The following LRFN5 variants were observed in gnomAD, a reference collection of about 807,000 sequenced individuals.
LRFN5 encodes the protein leucine-rich repeat and fibronectin type-III domain-containing protein 5.
Under a neutral mutation model 45.6 loss-of-function variants are expected in LRFN5, and 24 were observed. That is an observed-to-expected ratio of 0.53 (90% confidence interval 0.38 to 0.74). The LOEUF is 0.74. Among genes scored for constraint, LRFN5 ranks in the 30% least tolerant of loss-of-function variants. The pLI, the probability that LRFN5 is intolerant of heterozygous loss-of-function variation, is 0.00. For missense variants in LRFN5, 776 were observed against 861.5 expected, an observed-to-expected ratio of 0.90 and a Z score of 1.24; for synonymous variants, 340 against 313.8, an observed-to-expected ratio of 1.08 and a Z score of -0.88.
At chr14:41,803,000 A>G (rs933902543) in intron 2 of LRFN5, among the ~76,000 whole-genome samples, 1 of 152,134 alleles carries the variant, frequency 6.6e-6, no homozygotes, top group African/African-American at 2.4e-5. Context: ...CTTGTGTCCT[A>G]TATAATAATG....
intron 1 of LRFN5, among the ~76,000 whole-genome samples, chr14:41,754,630 A>G (rs564877399): frequency 3.6e-4 from 55 of 151,852 alleles, no homozygotes; most frequent in African/African-American, 1.3e-3. Flanking sequence ...ATCATTTTTT[A>G]TTGTGTCTAT....
chr14:41,800,286 A>ATTATTG (rs202015156), intron 2 of LRFN5, among the ~76,000 whole-genome samples: 2,214 of 152,124 alleles, frequency 0.015, 47 homozygotes, highest in African/African-American at 0.049. Context: ...CACAGATGAA[A>ATTATTG]CCAAAAGAAA....
intron 1 of LRFN5, among the ~76,000 whole-genome samples, chr14:41,673,586 C>T (rs1881370005): frequency 6.7e-6 from 1 of 148,710 alleles, no homozygotes; most frequent in South Asian, 2.2e-4. Context: ...CCCCCCCCAC[C>T]TCACTCCCGG....
At position 41,894,565 on chromosome 14, in the gene LRFN5, G is replaced by T. The variant is rs550599974; in HGVS notation, c.2098+2603G>T. 5 of 969,518 alleles carry T rather than the reference G, an allele frequency of 5.2e-6. No homozygotes were observed. In the South Asian group the frequency reaches 2.4e-4, roughly 46 times the overall value. 60.1% of individuals were successfully genotyped at this position (969,518 alleles called of 1,614,324 possible). On this transcript the variant is annotated intron_variant, in intron 4 of 5. Transcript: ENST00000298119. ...GATTAACAAAAGACTGGCTTATCAA[G>T]AAGGTCAAAATTTTTTTGTATTTGT...
intron 1 of LRFN5, among the ~76,000 whole-genome samples, chr14:41,648,959 T>G (rs545496190): frequency 6.6e-6 from 1 of 152,174 alleles, no homozygotes; most frequent in African/African-American, 2.4e-5. Flanking sequence ...ATAATGAAAA[T>G]TAAACGTTTT....
At chr14:41,897,288 T>G (rs1890972974) in intron 4 of LRFN5, among the ~76,000 whole-genome samples, 1 of 151,830 alleles carries the variant, frequency 6.6e-6, no homozygotes, top group Non-Finnish European at 1.5e-5. Flanking sequence ...GCATTGGGGA[T>G]TTCATCAAAT....
At chr14:41,651,360 A>T (rs765161158) in intron 1 of LRFN5, among the ~76,000 whole-genome samples, 2 of 152,180 alleles carry the variant, frequency 1.3e-5, no homozygotes, top group Non-Finnish European at 2.9e-5. Flanking sequence ...AAAGGAGAAC[A>T]CTCTCAAACT....
chr14:41,643,976 G>GAGC (rs1879699338), intron 1 of LRFN5, among the ~76,000 whole-genome samples: 1 of 152,116 alleles, frequency 6.6e-6, no homozygotes, highest in Non-Finnish European at 1.5e-5. Flanking sequence ...AACCAATGCA[G>GAGC]TTTAGTAGGT....
chr14:41,701,463 T>G (rs150682811), intron 1 of LRFN5: 4 of 152,290 alleles, frequency 2.6e-5, no homozygotes, highest in African/African-American at 9.6e-5. Context: ...ATAATTTGTG[T>G]GATAAAGTCT....
intron 1 of LRFN5, among the ~76,000 whole-genome samples, chr14:41,714,896 C>A (rs537673562): frequency 6.7e-6 from 1 of 149,612 alleles, no homozygotes; most frequent in East Asian, 1.9e-4. Context: ...CAAAGTAAGA[C>A]CCTATTTTTT....
At chr14:41,823,526 G>A (rs1888197546) in intron 2 of LRFN5, among the ~76,000 whole-genome samples, 1 of 151,840 alleles carries the variant, frequency 6.6e-6, no homozygotes, top group African/African-American at 2.4e-5. Context: ...TAGTCTTTTG[G>A]GATTTATTTT....
intron 2 of LRFN5, among the ~76,000 whole-genome samples, chr14:41,797,149 C>T (rs998455471): frequency 6.6e-6 from 1 of 151,708 alleles, no homozygotes; most frequent in Non-Finnish European, 1.5e-5. Context: ...GAGAAAGTTT[C>T]TTGTCATAGT....
chr14:41,681,802 T>TTATG (rs1881900533), intron 1 of LRFN5, among the ~76,000 whole-genome samples: 1 of 91,330 alleles, frequency 1.1e-5, no homozygotes, highest in Admixed American at 1.1e-4. Context: ...TTTATTTTAT[T>TTATG]TATTTATTTA....
At chr14:41,796,062 C>T (rs77199594) in intron 2 of LRFN5, among the ~76,000 whole-genome samples, 1,879 of 151,854 alleles carry the variant, frequency 0.012, 34 homozygotes, top group African/African-American at 0.042. Flanking sequence ...TTAGTAGTTA[C>T]TTTCTAAAAA....
intron 1 of LRFN5, among the ~76,000 whole-genome samples, chr14:41,712,733 A>T (rs1883337118): frequency 6.6e-6 from 1 of 152,134 alleles, no homozygotes; most frequent in South Asian, 2.1e-4. Flanking sequence ...TGCTAATAAC[A>T]GCTTAAATTT....
intron 1 of LRFN5, among the ~76,000 whole-genome samples, chr14:41,747,945 T>C (rs7157105): frequency 0.76 from 115,236 of 151,844 alleles, 44,104 homozygotes; most frequent in East Asian, 0.97. Flanking sequence ...AAATCAAAAC[T>C]GCCATGTAAT....
At chr14:41,675,481 C>A (rs1365091613) in intron 1 of LRFN5, among the ~76,000 whole-genome samples, 1 of 152,168 alleles carries the variant, frequency 6.6e-6, no homozygotes, top group African/African-American at 2.4e-5. Context: ...CGCGCGCCTG[C>A]AATCGCAGGC....
chr14:41,775,408 A>G (rs1886253547), intron 2 of LRFN5, among the ~76,000 whole-genome samples: 2 of 152,044 alleles, frequency 1.3e-5, no homozygotes, highest in Non-Finnish European at 2.9e-5. Flanking sequence ...TTAAGCAACT[A>G]TTTTTTATAA....
At chr14:41,764,966 A>G (rs914493500) in intron 1 of LRFN5, among the ~76,000 whole-genome samples, 3 of 152,126 alleles carry the variant, frequency 2.0e-5, no homozygotes, top group Non-Finnish European at 2.9e-5. Flanking sequence ...AGCTAAGATT[A>G]CGCTTATGGT....
Sources: allele counts gnomAD v4.1 joint callset (sites outside exome capture counted in the v4.1 genomes callset), GRCh38; gene constraint gnomAD v4.1.1; transcripts MANE v1.5; gene names NCBI Gene and HGNC (gene_info 2026-07-23, HGNC 2026-07-21).